The following SYNPR variants were observed in gnomAD, a reference collection of about 807,000 sequenced individuals.
SYNPR encodes the protein synaptoporin.
In SYNPR, 23 loss-of-function variants were observed where a neutral mutation model predicts 32.9. The observed-to-expected ratio is 0.70, with a 90% CI of 0.50 to 0.99. The LOEUF is 0.99. Ranked by LOEUF, SYNPR falls within the 50% of genes least tolerant of loss-of-function variation. The pLI, the probability that SYNPR is intolerant of heterozygous loss-of-function variation, is 0.00. For missense variants in SYNPR, 318 were observed against 349.3 expected (o/e 0.91, Z 0.71); for synonymous variants, 146 against 135.9 (o/e 1.07, Z -0.52).
chr3:63,439,455 G>A (rs1390804063), intron 2 of SYNPR, among the ~76,000 whole-genome samples: 1 of 152,134 alleles, frequency 6.6e-6, no homozygotes, highest in Non-Finnish European at 1.5e-5. Flanking sequence ...AGTGGTAGCC[G>A]ACTGTCTGAG....
At chr3:63,401,695 A>G (rs1490520668) in intron 2 of SYNPR, among the ~76,000 whole-genome samples, 1 of 152,216 alleles carries the variant, frequency 6.6e-6, no homozygotes, top group Admixed American at 6.5e-5. Context: ...CTATTCTCTC[A>G]TGAAGAGATG....
intron 3 of SYNPR, among the ~76,000 whole-genome samples, chr3:63,543,634 C>T (rs1702346188): frequency 6.6e-6 from 1 of 152,068 alleles, no homozygotes; most frequent in Admixed American, 6.6e-5. Flanking sequence ...TCATTGACCT[C>T]ATTAAAAAGT....
chr3:63,331,235 A>T (rs972867808), intron 2 of SYNPR, among the ~76,000 whole-genome samples: 1 of 152,196 alleles, frequency 6.6e-6, no homozygotes, highest in African/African-American at 2.4e-5. Context: ...AACAGAGTTT[A>T]CAGGTGAAAA....
chr3:63,589,365 C>A (rs1476232430), intron 4 of SYNPR, among the ~76,000 whole-genome samples: 2 of 152,110 alleles, frequency 1.3e-5, no homozygotes, highest in Non-Finnish European at 2.9e-5. Flanking sequence ...ACAGCTCTCT[C>A]TTCTACCAGA....
chr3:63,279,158 C>T (rs891573642), intron 2 of SYNPR, among the ~76,000 whole-genome samples: 3 of 152,124 alleles, frequency 2.0e-5, no homozygotes, highest in African/African-American at 7.2e-5. Context: ...GCCGGGAAGA[C>T]TTGGCCAAGC....
chr3:63,359,405 G>C (rs1383707452), intron 2 of SYNPR, among the ~76,000 whole-genome samples: 2 of 152,212 alleles, frequency 1.3e-5, no homozygotes, highest in Non-Finnish European at 2.9e-5. Flanking sequence ...ACCAAGAGTT[G>C]AGTTGTTTGC....
At chr3:63,351,775 G>A (rs971570457) in intron 2 of SYNPR, among the ~76,000 whole-genome samples, 6 of 152,276 alleles carry the variant, frequency 3.9e-5, no homozygotes, top group Non-Finnish European at 8.8e-5. Context: ...TCCAGGCAAC[G>A]GGGATGGAGT....
intron 2 of SYNPR, among the ~76,000 whole-genome samples, chr3:63,322,900 C>T (rs1344147623): frequency 6.6e-6 from 1 of 152,056 alleles, no homozygotes; most frequent in Non-Finnish European, 1.5e-5. Context: ...TCTAAGGGCT[C>T]TCTGTGCTAT....
At chr3:63,513,920 A>C (rs1306463861) in intron 3 of SYNPR, among the ~76,000 whole-genome samples, 2 of 152,104 alleles carry the variant, frequency 1.3e-5, no homozygotes, top group African/African-American at 4.8e-5. Context: ...GAAGCCCTTT[A>C]TATTTAATTC....
intron 2 of SYNPR, among the ~76,000 whole-genome samples, chr3:63,294,570 C>T (rs1214131536): frequency 1.3e-5 from 2 of 152,144 alleles, no homozygotes; most frequent in African/African-American, 2.4e-5. Flanking sequence ...TCTAGGTCAT[C>T]GTACTACTCC....
intron 2 of SYNPR, among the ~76,000 whole-genome samples, chr3:63,438,413 C>T (rs1208092036): frequency 6.6e-6 from 1 of 152,098 alleles, no homozygotes; most frequent in African/African-American, 2.4e-5. Context: ...AGGCTGGTCT[C>T]GAACTCCCGG....
At chr3:63,588,917 G>A (rs1703252294) in intron 4 of SYNPR, among the ~76,000 whole-genome samples, 2 of 152,070 alleles carry the variant, frequency 1.3e-5, no homozygotes, top group Non-Finnish European at 2.9e-5. Flanking sequence ...AATAGTCTCA[G>A]CAGCCATGTG....
intron 3 of SYNPR, among the ~76,000 whole-genome samples, chr3:63,510,804 T>C (rs541957241): frequency 7.6e-4 from 116 of 152,248 alleles, no homozygotes; most frequent in African/African-American, 2.6e-3. Context: ...CTCAGTTCTT[T>C]ATGCTCTGGG....
intron 2 of SYNPR, among the ~76,000 whole-genome samples, chr3:63,284,820 A>G (rs2086665606): frequency 6.6e-6 from 1 of 152,226 alleles, no homozygotes; most frequent in Non-Finnish European, 1.5e-5. Context: ...GAGAAGTAAT[A>G]ACAGCTACCT....
chr3:63,509,239 A>G (rs1441564526), intron 3 of SYNPR, among the ~76,000 whole-genome samples: 8 of 144,478 alleles, frequency 5.5e-5, no homozygotes, highest in African/African-American at 2.3e-4. Context: ...ATATCTATAT[A>G]CACACACATA....
At chr3:63,577,671 A>C (rs1391665875) in intron 4 of SYNPR, among the ~76,000 whole-genome samples, 1 of 152,106 alleles carries the variant, frequency 6.6e-6, no homozygotes, top group Non-Finnish European at 1.5e-5. Context: ...GAAGCTGAGT[A>C]AATTATTTAA....
At chr3:63,584,800 G>A (rs1703154425) in intron 4 of SYNPR, among the ~76,000 whole-genome samples, 1 of 152,094 alleles carries the variant, frequency 6.6e-6, no homozygotes, top group Admixed American at 6.6e-5. Context: ...GCCACAGATT[G>A]TAGTGGATTC....
At chr3:63,395,316 C>A (rs913466155) in intron 2 of SYNPR, among the ~76,000 whole-genome samples, 1 of 152,178 alleles carries the variant, frequency 6.6e-6, no homozygotes, top group African/African-American at 2.4e-5. Flanking sequence ...AGAAATAAAT[C>A]TTTTTATGAC....
chr3:63,446,756 C>A (rs373272979), intron 2 of SYNPR, among the ~76,000 whole-genome samples: 16 of 151,984 alleles, frequency 1.1e-4, no homozygotes, highest in Non-Finnish European at 2.2e-4. Flanking sequence ...ACAAACAAAC[C>A]GCTAACAAGC....
Sources: allele counts gnomAD v4.1 joint callset (sites outside exome capture counted in the v4.1 genomes callset), GRCh38; gene constraint gnomAD v4.1.1; transcripts MANE v1.5; gene names NCBI Gene and HGNC (gene_info 2026-07-23, HGNC 2026-07-21).